The following GBE1 variants were observed in gnomAD, a reference collection of about 807,000 sequenced individuals.
The protein encoded by GBE1 is 1,4-alpha-glucan-branching enzyme.
A neutral mutation model predicts 88.8 loss-of-function variants in GBE1; 70 were observed. The ratio of observed to expected loss-of-function variants is 0.79; its 90% confidence interval spans 0.65 to 0.96. The LOEUF is 0.96. Among genes scored for constraint, GBE1 ranks in the 40% least tolerant of loss-of-function variants. The pLI, the probability that GBE1 is intolerant of heterozygous loss-of-function variation, is 0.00. For missense variants in GBE1, 872 were observed against 871.0 expected, an observed-to-expected ratio of 1.00 and a Z score of -0.01; for synonymous variants, 284 against 300.1, an observed-to-expected ratio of 0.95 and a Z score of 0.56.
In GBE1 at chr3:81,590,482, A is replaced by G. The variant is rs117721234; in HGVS notation, c.1236+555T>C. On this transcript the variant is annotated intron_variant, in intron 9 of 15. Transcript: ENST00000429644. ...ATCACCAAGAGGGGAATTGTCAATT[A>G]TGCATATATGGAATTATATCATTAC... Among the ~76,000 whole-genome samples, 4 of 152,210 alleles carry G rather than the reference A, an allele frequency of 2.6e-5. No homozygotes were observed. In the East Asian group the frequency reaches 7.7e-4, roughly 29 times the overall value.
chr3:81,609,723 CT>C (rs1265435885), intron 7 of GBE1, among the ~76,000 whole-genome samples: 6 of 152,114 alleles, frequency 3.9e-5, no homozygotes, highest in African/African-American at 1.2e-4. Context: ...CAAATTTTCT[CT>C]TTTGATTTAT....
intron 12 of GBE1, among the ~76,000 whole-genome samples, chr3:81,549,562 C>G (rs530118222): frequency 6.6e-6 from 1 of 151,440 alleles, no homozygotes; most frequent in African/African-American, 2.4e-5. Context: ...CAGTGATAAG[C>G]AACGAATGTC....
At chr3:81,555,787 G>A (rs1224922898) in intron 12 of GBE1, among the ~76,000 whole-genome samples, 1 of 152,098 alleles carries the variant, frequency 6.6e-6, no homozygotes, top group Non-Finnish European at 1.5e-5. Flanking sequence ...CCCCTCCTCT[G>A]ACTGAGAAGT....
At chr3:81,663,171 G>C (rs1415669630) in intron 3 of GBE1, among the ~76,000 whole-genome samples, 1 of 152,152 alleles carries the variant, frequency 6.6e-6, no homozygotes, top group Non-Finnish European at 1.5e-5. Flanking sequence ...CACTCTCATG[G>C]ACCTAGGTGA....
chr3:81,612,284 C>A, intron 7 of GBE1: 2 of 685,736 alleles, frequency 2.9e-6, no homozygotes, highest in South Asian at 1.9e-5. Flanking sequence ...CCTCTTCCTG[C>A]TGGCTTTATT....
chr3:81,549,533 G>A (rs1474438111), intron 12 of GBE1, among the ~76,000 whole-genome samples: 1 of 151,506 alleles, frequency 6.6e-6, no homozygotes, highest in East Asian at 1.9e-4. Context: ...CACAGTCTCT[G>A]TACAGGGTTC....
intron 1 of GBE1, among the ~76,000 whole-genome samples, chr3:81,755,389 A>G (rs1706588354): frequency 6.6e-6 from 1 of 152,124 alleles, no homozygotes; most frequent in Non-Finnish European, 1.5e-5. Context: ...TACCATAGCC[A>G]CTTGGAAAAA....
At position 81,563,906 on chromosome 3, in the gene GBE1, GGAGGGAGGGAGGGAGT is replaced by G. The variant is rs1401837761; in HGVS notation, c.1618+14003_1618+14018del. On this transcript the variant is annotated intron_variant, in intron 12 of 15. Coordinates refer to ENST00000429644, the MANE Select transcript of GBE1 (RefSeq NM_000158.4). ...TTCAGGGAGGGAGAGACGGAGAAAG[GGAGGGAGGGAGGGAGT>G]GAGGGAGGGAGGAAGGAAGGGACGA... Among the ~76,000 whole-genome samples, 117 of 151,388 alleles carry G rather than the reference GGAGGGAGGGAGGGAGT, an allele frequency of 7.7e-4. 1 individual carries two copies. Among genetic ancestry groups the G allele is most frequent in the African/African-American group, 2.8e-3 (115 of 41,196 alleles).
At chr3:81,602,149 G>T (rs534239166) in intron 7 of GBE1, among the ~76,000 whole-genome samples, 2 of 152,254 alleles carry the variant, frequency 1.3e-5, no homozygotes, top group Admixed American at 1.3e-4. Flanking sequence ...AAACCCACAG[G>T]ATAAATTGGA....
intron 1 of GBE1, among the ~76,000 whole-genome samples, chr3:81,750,549 A>ATATG (rs1381670772): frequency 1.2e-5 from 1 of 82,904 alleles, no homozygotes; most frequent in East Asian, 5.9e-4. Context: ...GTATATATAT[A>ATATG]TGTATATATA....
At chr3:81,609,864 A>G (rs1704148914) in intron 7 of GBE1, among the ~76,000 whole-genome samples, 1 of 152,224 alleles carries the variant, frequency 6.6e-6, no homozygotes, top group Non-Finnish European at 1.5e-5. Context: ...TGCTCACAAT[A>G]GAGTCTCGTA....
chr3:81,552,040 T>A (rs1171169974), intron 12 of GBE1, among the ~76,000 whole-genome samples: 5 of 152,234 alleles, frequency 3.3e-5, no homozygotes, highest in Non-Finnish European at 7.3e-5. Context: ...CTTGAAGTAA[T>A]AGCTGAATGA....
intron 11 of GBE1, among the ~76,000 whole-genome samples, chr3:81,578,492 G>A (rs28702560): frequency 0.065 from 9,790 of 150,670 alleles, 529 homozygotes; most frequent in African/African-American, 0.14. Flanking sequence ...AGAAGTTTCT[G>A]AAAAATCATT....
intron 7 of GBE1, among the ~76,000 whole-genome samples, chr3:81,640,841 C>A (rs1704667922): frequency 6.6e-6 from 1 of 151,508 alleles, no homozygotes; most frequent in Non-Finnish European, 1.5e-5. Context: ...ATAAAATGGT[C>A]ACAATAAAAA....
chr3:81,585,834 C>T (rs545244485), intron 10 of GBE1, among the ~76,000 whole-genome samples: 6 of 152,246 alleles, frequency 3.9e-5, no homozygotes, highest in Admixed American at 1.3e-4. Context: ...ATTGATAATG[C>T]AAAATTCCAT....
intron 7 of GBE1, among the ~76,000 whole-genome samples, chr3:81,608,777 A>G (rs190941306): frequency 3.7e-4 from 57 of 152,322 alleles, no homozygotes; most frequent in Non-Finnish European, 4.4e-5. Context: ...AATCATATTT[A>G]ATTTTCTCAC....
At chr3:81,568,060 T>C (rs1039199812) in intron 12 of GBE1, among the ~76,000 whole-genome samples, 2 of 152,238 alleles carry the variant, frequency 1.3e-5, no homozygotes, top group Admixed American at 6.5e-5. Context: ...TTGAACATTC[T>C]GTAACCTCTC....
At chr3:81,547,860 G>A (rs956087572) in intron 12 of GBE1, among the ~76,000 whole-genome samples, 1 of 151,316 alleles carries the variant, frequency 6.6e-6, no homozygotes. Context: ...GTTGGCCTAG[G>A]ACACCATAAG....
At chr3:81,493,571 T>TA in intron 15 of GBE1, among the ~76,000 whole-genome samples, 1 of 151,998 alleles carries the variant, frequency 6.6e-6, no homozygotes, top group Middle Eastern at 3.4e-3. Context: ...TCGCTCTTGT[T>TA]ACCCAGGCTG....
Sources: gnomAD v4.1 joint callset for allele counts (sites outside exome capture counted in the v4.1 genomes callset) on GRCh38, gnomAD v4.1.1 for gene constraint, MANE v1.5 for transcripts, NCBI Gene and HGNC (gene_info 2026-07-23, HGNC 2026-07-21) for gene names.